CACHD1: variants seen among roughly 807,000 people sequenced by gnomAD.
CACHD1 encodes cache domain containing 1.
Under a neutral mutation model 138.7 loss-of-function variants are expected in CACHD1, and 71 were observed. That is an observed-to-expected ratio of 0.51 (90% confidence interval 0.42 to 0.62). CACHD1 has a LOEUF of 0.62. Among genes scored for constraint, CACHD1 ranks in the 20% least tolerant of loss-of-function variants. The pLI is 0.00. For missense variants in CACHD1, 1,389 were observed against 1,625.3 expected, an observed-to-expected ratio of 0.85 and a Z score of 2.50; for synonymous variants, 578 against 591.5, an observed-to-expected ratio of 0.98 and a Z score of 0.33.
At chr1:64,679,440 A>G (rs1650096063) in intron 23 of CACHD1, among the ~76,000 whole-genome samples, 155 bp from the exon 24 acceptor site, 1 of 152,228 alleles carries the variant, frequency 6.6e-6, no homozygotes, top group Non-Finnish European at 1.5e-5. Context: ...CCACGTTCCC[A>G]TGCGTCATGT....
chr1:64,572,206 C>T (rs1321741758), intron 2 of CACHD1, among the ~76,000 whole-genome samples: 2 of 152,150 alleles, frequency 1.3e-5, no homozygotes, highest in African/African-American at 2.4e-5. Context: ...GTGGCTCCTG[C>T]TCTCTCCTCT....
rs1483061615 is a variant in CACHD1 at position 64,691,991 on chromosome 1, T to C, written c.*430T>C. 1 of 191,642 alleles carries C rather than the reference T, an allele frequency of 5.2e-6. No homozygotes were observed. The highest frequency in any genetic ancestry group is 1.1e-5 in the Non-Finnish European group (1 of 90,014). 11.9% of individuals were successfully genotyped at this position (191,642 alleles called of 1,614,324 possible). A position where few individuals can be genotyped will look rare whatever the true frequency, so the allele number is the denominator to read the frequency against. On this transcript the variant is annotated 3_prime_UTR_variant, in exon 27 of 27. Transcript: ENST00000651257. ...GCACATGCAGATACAAATGTGTGCA[T>C]TGAAGATTTCGCTTTGTTTCTTAGC...
chr1:64,654,081 C>G (rs568358317), intron 11 of CACHD1, among the ~76,000 whole-genome samples, 200 bp downstream of exon 11: 1 of 152,192 alleles, frequency 6.6e-6, no homozygotes, highest in South Asian at 2.1e-4. Context: ...TGTCTTAGAA[C>G]TATTATTTGA....
intron 3 of CACHD1, among the ~76,000 whole-genome samples, chr1:64,596,651 G>C (rs985921040): frequency 6.6e-6 from 1 of 152,288 alleles, no homozygotes; most frequent in African/African-American, 2.4e-5. Context: ...AAGCCTCTCA[G>C]CATTTCTTCC....
At chr1:64,549,581 T>G (rs1646743364) in intron 1 of CACHD1, among the ~76,000 whole-genome samples, 1 of 152,160 alleles carries the variant, frequency 6.6e-6, no homozygotes, top group Non-Finnish European at 1.5e-5. Flanking sequence ...CATTGCATGA[T>G]GAACTTGGCT....
At chr1:64,481,615 G>A (rs1406284081) in intron 1 of CACHD1, among the ~76,000 whole-genome samples, 2 of 152,178 alleles carry the variant, frequency 1.3e-5, no homozygotes, top group Non-Finnish European at 1.5e-5. Context: ...GAAGAAGCCT[G>A]CCAGTCATGG....
At chr1:64,490,956 T>G (rs1358787632) in intron 1 of CACHD1, among the ~76,000 whole-genome samples, 2 of 152,066 alleles carry the variant, frequency 1.3e-5, no homozygotes, top group African/African-American at 4.8e-5. Context: ...AAACCCCCCA[T>G]CCTGTGGGGT....
At chr1:64,543,544 C>G (rs908326456) in intron 1 of CACHD1, among the ~76,000 whole-genome samples, 4 of 151,528 alleles carry the variant, frequency 2.6e-5, no homozygotes, top group African/African-American at 9.7e-5. Flanking sequence ...CTACTGCACT[C>G]CAGCCTGGGT....
chr1:64,629,950 G>C (rs1648243661), intron 5 of CACHD1, among the ~76,000 whole-genome samples: 1 of 152,144 alleles, frequency 6.6e-6, no homozygotes. Context: ...GAGGTGAGCA[G>C]AAAGCATTGG....
intron 2 of CACHD1, among the ~76,000 whole-genome samples, chr1:64,575,658 C>G (rs949679438): frequency 6.6e-6 from 1 of 152,104 alleles, no homozygotes; most frequent in African/African-American, 2.4e-5. Context: ...TCTTCAGTCC[C>G]CTAGGATATA....
rs372528228 is a variant in CACHD1, at chr1:64,685,858, GA to G, written c.3586+3762del. ...AGACAGGGCTGTCTCAAAAAAAAAAGAAAAAAAAAATGCTGGGTGGAGTTGC... is the reference window on the plus strand; with the variant it reads ...AGACAGGGCTGTCTCAAAAAAAAAAGAAAAAAAAATGCTGGGTGGAGTTGC... On this transcript the variant is annotated intron_variant, in intron 26 of 26. Transcript: ENST00000651257. 3.9e-4 allele frequency among the ~76,000 whole-genome samples: 56 copies of G among 144,940 alleles called. No homozygotes were observed. In the East Asian group the frequency reaches 4.0e-3, roughly 10 times the overall value.
chr1:64,531,232 G>A (rs1646582855), intron 1 of CACHD1, among the ~76,000 whole-genome samples: 2 of 152,214 alleles, frequency 1.3e-5, no homozygotes, highest in Non-Finnish European at 2.9e-5. Flanking sequence ...AAGTTGGACA[G>A]TTTCAGGGAG....
intron 4 of CACHD1, among the ~76,000 whole-genome samples, chr1:64,603,438 G>A (rs1647255214): frequency 6.6e-6 from 1 of 151,938 alleles, no homozygotes; most frequent in Non-Finnish European, 1.5e-5. Context: ...GCTATATATG[G>A]TACATGCCAA....
chr1:64,664,343 C>G, intron 14 of CACHD1, 155 bp from the exon 15 acceptor site: 1 of 649,076 alleles, frequency 1.5e-6, no homozygotes, highest in South Asian at 2.0e-5. Context: ...TTTATTTTCA[C>G]CAAGTTTGGT....
At chr1:64,472,852 C>T (rs1447142415) in intron 1 of CACHD1, among the ~76,000 whole-genome samples, 1 of 151,786 alleles carries the variant, frequency 6.6e-6, no homozygotes, top group African/African-American at 2.4e-5. Flanking sequence ...AGGATTCCCC[C>T]CTATCCCGCC....
intron 25 of CACHD1, 130 bp downstream of exon 25, chr1:64,681,465 G>T: frequency 1.7e-5 from 8 of 462,752 alleles, no homozygotes; most frequent in Non-Finnish European, 2.2e-5. Context: ...GGTTTTTTTA[G>T]TTGTTTTTTT....
intron 26 of CACHD1, among the ~76,000 whole-genome samples, chr1:64,690,654 TG>T (rs1557560746): frequency 6.6e-6 from 1 of 152,228 alleles, no homozygotes; most frequent in South Asian, 2.1e-4. Flanking sequence ...ACTAGAACTT[TG>T]GGCAAATTCC....
intron 16 of CACHD1, among the ~76,000 whole-genome samples, chr1:64,666,848 C>CA (rs946649209): frequency 0.11 from 3,514 of 31,366 alleles, 161 homozygotes; most frequent in Non-Finnish European, 0.15. Flanking sequence ...GATCCTGTCT[C>CA]AAAAAAAAAA....
intron 1 of CACHD1, among the ~76,000 whole-genome samples, chr1:64,543,402 C>CATACATATAT (rs1553131373): frequency 2.4e-5 from 3 of 126,886 alleles, no homozygotes; most frequent in African/African-American, 9.8e-5. Context: ...AAAAAAAATA[C>CATACATATAT]ATATATATAT....
Sources: gnomAD v4.1 joint callset for allele counts (sites outside exome capture counted in the v4.1 genomes callset) on GRCh38, gnomAD v4.1.1 for gene constraint, MANE v1.5 for transcripts, NCBI Gene and HGNC (gene_info 2026-07-23, HGNC 2026-07-21) for gene names.